Variants in CLTB observed in about 807,000 individuals in gnomAD.
CLTB encodes clathrin light chain B, also known as clathrin, light chain (Lcb).
Under a neutral mutation model 30.5 loss-of-function variants are expected in CLTB, and 10 were observed. The ratio of observed to expected loss-of-function variants is 0.33; its 90% CI spans 0.20 to 0.56. The LOEUF is 0.56. CLTB is among the 20% of genes least tolerant of loss of function. The pLI, the probability that CLTB is intolerant of heterozygous loss-of-function variation, is 0.91. For missense variants in CLTB, 261 were observed against 308.3 expected (o/e 0.85, Z 1.15); for synonymous variants, 102 against 120.3 (o/e 0.85, Z 1.00).
At chr5:176,412,133 G>GTA (rs1757471455) in intron 1 of CLTB, among the ~76,000 whole-genome samples, 3 of 146,714 alleles carry the variant, frequency 2.0e-5, no homozygotes, top group African/African-American at 7.6e-5. Context: ...CCGAGATCCC[G>GTA]CCACTGCACT....
chr5:176,395,933 G>A (rs1330768547), intron 5 of CLTB, among the ~76,000 whole-genome samples: 2 of 152,100 alleles, frequency 1.3e-5, no homozygotes, highest in Non-Finnish European at 2.9e-5. Context: ...TCAGGAGTTC[G>A]AGACCAGCCT....
chr5:176,411,539 C>G (rs969292234), intron 1 of CLTB, among the ~76,000 whole-genome samples: 3 of 152,182 alleles, frequency 2.0e-5, no homozygotes, highest in Admixed American at 6.5e-5. Context: ...CTTCCTATTC[C>G]TCCTGCAGTA....
rs1267359878 is a variant in CLTB at position 176,400,953 on chromosome 5, G to C, written c.235-2906C>G. 2.0e-5 allele frequency among the ~76,000 whole-genome samples: 3 copies of C among 152,210 alleles called. No individual in the cohort carries two copies. The East Asian group carries it at 5.8e-4, about 29-fold the overall frequency. On this transcript the variant is annotated intron_variant, in intron 2 of 5. Coordinates refer to ENST00000310418, the MANE Select transcript of CLTB (RefSeq NM_007097.5). ...CAGGGCTACAGTCTCCAGCTGCCTG[G>C]GGAGTGAGGGAAGGGCAGGCCAGGG... is the stretch of plus-strand genomic sequence containing the variant.
chr5:176,412,037 G>A (rs566272180), intron 1 of CLTB, among the ~76,000 whole-genome samples: 118 of 152,134 alleles, frequency 7.8e-4, no homozygotes, highest in African/African-American at 1.9e-3. Flanking sequence ...TTAGCCAGGC[G>A]TGGTGGCAGG....
At chr5:176,415,633 C>T (rs1355172910) in intron 1 of CLTB, among the ~76,000 whole-genome samples, 2 of 152,248 alleles carry the variant, frequency 1.3e-5, no homozygotes, top group Non-Finnish European at 2.9e-5. Flanking sequence ...GTTTTACCAT[C>T]TCTGAAATGG....
At chr5:176,403,541 G>A (rs1221467457) in intron 2 of CLTB, among the ~76,000 whole-genome samples, 4 of 151,726 alleles carry the variant, frequency 2.6e-5, no homozygotes, top group Non-Finnish European at 5.9e-5. Context: ...TGCAACCTCC[G>A]CCTCCCGGGT....
chr5:176,405,489 C>CAAAAAAAAAAAAAAAAAAA (rs988554368), intron 2 of CLTB: 4 of 52,210 alleles, frequency 7.7e-5, no homozygotes, highest in Non-Finnish European at 1.1e-4. Flanking sequence ...CCCTGTCTCT[C>CAAAAAAAAAAAAAAAAAAA]AAAAAAAAAA....
chr5:176,394,288 C>G (rs941558277), intron 5 of CLTB, among the ~76,000 whole-genome samples: 27 of 152,238 alleles, frequency 1.8e-4, no homozygotes, highest in African/African-American at 6.0e-4. Flanking sequence ...ACGACAGAGC[C>G]TGTCAGAAAT....
intron 2 of CLTB, among the ~76,000 whole-genome samples, chr5:176,399,425 C>T (rs917505924): frequency 6.6e-6 from 1 of 152,148 alleles, no homozygotes; most frequent in African/African-American, 2.4e-5. Context: ...ATTGCTTAAC[C>T]TTGCCTGACT....
intron 2 of CLTB, among the ~76,000 whole-genome samples, chr5:176,401,191 C>T (rs1245775040): frequency 2.0e-5 from 3 of 152,250 alleles, no homozygotes; most frequent in Non-Finnish European, 4.4e-5. Flanking sequence ...ACCAGGGACT[C>T]CTCCCAGCAC....
intron 2 of CLTB, 111 bp downstream of exon 2, chr5:176,410,145 CA>C: frequency 1.1e-6 from 1 of 932,384 alleles, no homozygotes. Context: ...CCCAATGCAT[CA>C]GACATAATGA....
At chr5:176,414,556 C>A (rs928285836) in intron 1 of CLTB, among the ~76,000 whole-genome samples, 8 of 152,020 alleles carry the variant, frequency 5.3e-5, no homozygotes, top group Admixed American at 1.3e-4. Context: ...CTGCCTCAGC[C>A]TTCCCGAGCA....
intron 1 of CLTB, among the ~76,000 whole-genome samples, chr5:176,411,364 C>T (rs1454724242): frequency 2.6e-5 from 4 of 152,142 alleles, no homozygotes; most frequent in African/African-American, 4.8e-5. Context: ...AAATCCACTT[C>T]CCATGGACCA....
intron 1 of CLTB, among the ~76,000 whole-genome samples, chr5:176,415,508 C>A (rs988625037): frequency 6.6e-6 from 1 of 151,988 alleles, no homozygotes; most frequent in Non-Finnish European, 1.5e-5. Context: ...CATAGCGAGA[C>A]CCCATCTCAA....
chr5:176,395,457 G>A (rs1270680227), intron 5 of CLTB, among the ~76,000 whole-genome samples: 1 of 152,224 alleles, frequency 6.6e-6, no homozygotes, highest in African/African-American at 2.4e-5. Flanking sequence ...GGAAGCAGAC[G>A]AAGGCTCTGG....
chr5:176,401,042 C>T (rs1001690793), intron 2 of CLTB, among the ~76,000 whole-genome samples: 2 of 152,228 alleles, frequency 1.3e-5, no homozygotes, highest in African/African-American at 4.8e-5. Context: ...GCCACCCTTA[C>T]TCCTCTCCAG....
chr5:176,396,523 G>C lies in CLTB; in HGVS notation c.474C>G (p.Asp158Glu), dbSNP rs1180124873. 6.2e-7 allele frequency: 1 copy of C among 1,613,644 alleles called. No individual in the cohort carries two copies. Among genetic ancestry groups the C allele is most frequent in the Non-Finnish European group, 8.5e-7 (1 of 1,179,780 alleles). ...EKNKINNRIA[D>E]KAFYQQPDAD... ...CATCTGGCTGCTGGTAGAATGCTTT[G>C]TCAGCGATCCTTGAGGGAAAGGTTG... Residue 158 changes from aspartate (D) to glutamate (E), a missense_variant, in exon 5 of 6, where the codon GAC (aspartate) becomes GAG (glutamate). Asp to Glu is a conservative substitution (Grantham distance 45). This residue lies in a region of CLTB where 123 missense variants were observed against 157.0 expected (regional missense o/e 0.78). Coordinates refer to ENST00000310418, the MANE Select transcript of CLTB (RefSeq NM_007097.5).
At chr5:176,401,635 G>A (rs1001048582) in intron 2 of CLTB, 2 of 434,904 alleles carry the variant, frequency 4.6e-6, no homozygotes, top group Admixed American at 4.9e-5. Context: ...AGGTCTATCA[G>A]AAAGGGCAGT....
intron 2 of CLTB, chr5:176,401,995 T>A: frequency 3.1e-6 from 1 of 320,110 alleles, no homozygotes; most frequent in Non-Finnish European, 6.2e-6. Flanking sequence ...CGATTTATCA[T>A]GTCACACTTT....
Sources: gnomAD v4.1 joint callset for allele counts (sites outside exome capture counted in the v4.1 genomes callset) on GRCh38, gnomAD v4.1.1 for gene constraint, gnomAD v4.1.1 regional missense constraint, MANE v1.5 for transcripts, NCBI Gene and HGNC (gene_info 2026-07-23, HGNC 2026-07-21) for gene names.